The following R3HDML variants were observed in gnomAD, a reference collection of about 807,000 sequenced individuals.
R3HDML encodes the protein R3H domain containing like, also known as peptidase inhibitor R3HDML.
In R3HDML, 21 loss-of-function variants were observed where a neutral mutation model predicts 24.2. That is an observed-to-expected ratio of 0.87 (90% CI 0.62 to 1.25). The LOEUF (loss-of-function observed/expected upper bound fraction) is 1.25. Among genes scored for constraint, R3HDML ranks in the 50% most tolerant of loss-of-function variants. The pLI, the probability that R3HDML is intolerant of heterozygous loss-of-function variation, is 0.00. For synonymous variants in R3HDML, 133 were observed against 131.5 expected, an observed-to-expected ratio of 1.01 and a Z score of -0.08; for missense variants, 301 against 340.3, an observed-to-expected ratio of 0.88 and a Z score of 0.91.
intron 2 of R3HDML, among the ~76,000 whole-genome samples, chr20:44,342,802 A>C (rs751118218): frequency 3.3e-5 from 5 of 152,176 alleles, no homozygotes; most frequent in Non-Finnish European, 5.9e-5. Context: ...AAATACAAAA[A>C]TTAGCCAGGC....
At chr20:44,339,727 G>A (rs2062767255) in intron 1 of R3HDML, among the ~76,000 whole-genome samples, 1 of 151,808 alleles carries the variant, frequency 6.6e-6, no homozygotes, top group African/African-American at 2.4e-5. Context: ...TGGTGGGGTT[G>A]GGGGAGAAGT....
chr20:44,347,242 G>A (rs1351902259), intron 4 of R3HDML, among the ~76,000 whole-genome samples: 6 of 149,492 alleles, frequency 4.0e-5, no homozygotes, highest in South Asian at 4.3e-4. Flanking sequence ...GGGGGGGGAC[G>A]AGGTCTTGCT....
intron 4 of R3HDML, among the ~76,000 whole-genome samples, chr20:44,350,147 G>A (rs1052579488): frequency 6.6e-6 from 1 of 152,114 alleles, no homozygotes; most frequent in Non-Finnish European, 1.5e-5. Context: ...AGTGCTAGGT[G>A]CATACATACA....
intron 4 of R3HDML, chr20:44,347,713 C>T (rs989434302): frequency 1.3e-5 from 2 of 152,192 alleles, no homozygotes; most frequent in Non-Finnish European, 2.9e-5. Context: ...CCAAATGTCA[C>T]AAAGCCAACA....
chr20:44,343,011 T>C (rs1240370626), intron 2 of R3HDML, among the ~76,000 whole-genome samples: 2 of 152,146 alleles, frequency 1.3e-5, no homozygotes, highest in Admixed American at 1.3e-4. Context: ...ACAGAGGTTA[T>C]CTCTGGGTGA....
intron 1 of R3HDML, among the ~76,000 whole-genome samples, chr20:44,338,383 G>T (rs1331222074): frequency 6.6e-6 from 1 of 152,128 alleles, no homozygotes; most frequent in African/African-American, 2.4e-5. Flanking sequence ...CATTTTAGTG[G>T]GAATAAGAGA....
At chr20:44,345,873 G>T (rs954394757) in intron 4 of R3HDML, among the ~76,000 whole-genome samples, 1 of 150,332 alleles carries the variant, frequency 6.7e-6, no homozygotes, top group Non-Finnish European at 1.5e-5. Context: ...AGGCTGGAAT[G>T]CAGTGGCATG....
chr20:44,345,468 C>A, intron 4 of R3HDML, 90 bp downstream of exon 4: 1 of 867,750 alleles, frequency 1.2e-6, no homozygotes, highest in Non-Finnish European at 1.8e-6. Flanking sequence ...ATCCCTTCTT[C>A]ATTCTAAGTG....
intron 2 of R3HDML, among the ~76,000 whole-genome samples, chr20:44,342,738 G>C (rs4812824): frequency 0.056 from 8,556 of 152,192 alleles, 880 homozygotes; most frequent in East Asian, 0.36. Context: ...GATCACCTAA[G>C]GTCAGGAGTT....
intron 1 of R3HDML, among the ~76,000 whole-genome samples, chr20:44,339,937 C>G (rs1204455014): frequency 6.6e-6 from 1 of 151,902 alleles, no homozygotes; most frequent in Non-Finnish European, 1.5e-5. Context: ...CACCACCATG[C>G]CTGACTAATT....
chr20:44,338,125 C>A (rs1340389853), intron 1 of R3HDML, among the ~76,000 whole-genome samples: 1 of 152,212 alleles, frequency 6.6e-6, no homozygotes, highest in Non-Finnish European at 1.5e-5. Context: ...GCTCCTCCCC[C>A]AGGGCCACTG....
rs139713230 is a variant in R3HDML, at chr20:44,337,416, A to G, written c.259A>G (p.Met87Val). The G allele has an allele frequency of 3.2e-4, 519 of 1,612,238 alleles. 4 individuals carry two copies. In the African/African-American group the frequency reaches 5.5e-3, roughly 17 times the overall value. The part of the protein sequence containing the change: ...VYPPAANMEY[M>V]VWDKRLARAA... ...CCCACCTGCCGCCAACATGGAATAC[A>G]TGGTGAGTCCCCGTACCTGCCCCCC... The change falls in exon 1 of 5, where the codon ATG becomes GTG. Residue 87 changes from methionine to valine, a missense_variant and splice_region_variant. Met to Val is a conservative substitution (Grantham distance 21, BLOSUM62 1). Transcript: ENST00000217043. The surrounding 1 kb of genome is among the most constrained non-coding windows in gnomAD (Gnocchi z 4.7).
intron 1 of R3HDML, among the ~76,000 whole-genome samples, chr20:44,340,653 G>A (rs1600598935): frequency 6.6e-6 from 1 of 152,124 alleles, no homozygotes; most frequent in East Asian, 1.9e-4. Flanking sequence ...AGGTGTGGTG[G>A]CATGCGCCTG....
chr20:44,343,111 T>C (rs1286712133), intron 2 of R3HDML, among the ~76,000 whole-genome samples: 1 of 152,156 alleles, frequency 6.6e-6, no homozygotes, highest in Non-Finnish European at 1.5e-5. Flanking sequence ...AGCTCCCCCG[T>C]CTGAGATGCA....
Position 44,337,314 on chromosome 20 carries a change from C to T in R3HDML, c.157C>T (p.Arg53Cys), listed in dbSNP as rs148820357. 9.7e-5 allele frequency: 157 copies of T among 1,614,190 alleles called. 1 individual carries two copies. In the African/African-American group the frequency reaches 1.7e-3, roughly 18 times the overall value. ...LLSGLEVPRY[R>C]RKRHISVRDM... is the part of the protein sequence containing the mutation. Reference sequence around the variant, plus strand: ...GAGTGGCCTGGAGGTGCCCAGGTACCGCCGGAAGCGCCACATCTCTGTGAG... The same window carrying T: ...GAGTGGCCTGGAGGTGCCCAGGTACTGCCGGAAGCGCCACATCTCTGTGAG... Residue 53 changes from arginine (R) to cysteine (C), a missense_variant, in exon 1 of 5, where the codon CGC becomes TGC. By Grantham distance (180) the Arg-to-Cys change is radical. Transcript: ENST00000217043. The surrounding 1 kb of genome is among the most constrained non-coding windows in gnomAD (Gnocchi z 4.7).
intron 4 of R3HDML, among the ~76,000 whole-genome samples, chr20:44,347,221 CT>C (rs71337870): frequency 1.2e-4 from 18 of 145,102 alleles, no homozygotes; most frequent in African/African-American, 3.0e-4. Context: ...TTTCTTTTTT[CT>C]TTTTTTTTTG....
At chr20:44,344,276 G>A (rs138019245) in intron 3 of R3HDML, among the ~76,000 whole-genome samples, 14,980 of 146,620 alleles carry the variant, frequency 0.1, 944 homozygotes, top group Middle Eastern at 0.17. Flanking sequence ...ACGAGACTCC[G>A]TCTCAAAAAA....
chr20:44,350,669 G>C lies in R3HDML; in HGVS notation c.639G>C (p.Trp213Cys). The C allele has an allele frequency of 6.2e-7, 1 of 1,613,420 alleles. No homozygotes were observed. Among genetic ancestry groups the C allele is most frequent in the Non-Finnish European group, 8.5e-7 (1 of 1,179,830 alleles). Residue 213 changes from tryptophan to cysteine, a missense_variant, in exon 5 of 5, where the codon TGG becomes TGC. Physicochemically the swap from Trp to Cys is radical, Grantham distance 215 (BLOSUM62 -2). Coordinates refer to ENST00000217043, the MANE Select transcript of R3HDML (RefSeq NM_178491.4). ...LVCNYAIKGN[W>C]IGESPYKMGK... is the part of the protein sequence containing the mutation. ...TCCTTTTCTCTTCCAGGGGCAACTG[G>C]ATTGGCGAGTCCCCGTACAAGATGG... is the stretch of plus-strand genomic sequence containing the variant.
intron 4 of R3HDML, 66 bp from the exon 5 acceptor site, chr20:44,350,594 T>C: frequency 6.6e-7 from 1 of 1,524,430 alleles, no homozygotes; most frequent in Non-Finnish European, 8.8e-7. Flanking sequence ...CGCTGAGATC[T>C]GGACATCTGT....
Sources: gnomAD v4.1 joint callset for allele counts (sites outside exome capture counted in the v4.1 genomes callset) on GRCh38, gnomAD v4.1.1 for gene constraint, Gnocchi (gnomAD v3.1) non-coding constraint, MANE v1.5 for transcripts, NCBI Gene and HGNC (gene_info 2026-07-23, HGNC 2026-07-21) for gene names.